The following CFAP70 variants were observed in gnomAD, a reference collection of about 807,000 sequenced individuals.
CFAP70 encodes the protein cilia and flagella associated protein 70, also known as cilia- and flagella-associated protein 70.
CFAP70 carries 81 observed loss-of-function variants against 137.6 expected under a neutral mutation model. That is an observed-to-expected ratio of 0.59 (90% CI 0.49 to 0.71). CFAP70 has a LOEUF of 0.71. CFAP70 is among the 30% of genes least tolerant of loss of function. CFAP70 has a pLI of 0.00. For missense variants in CFAP70, 976 were observed against 1,226.7 expected (o/e 0.80, Z 3.05); for synonymous variants, 382 against 423.6 (o/e 0.90, Z 1.20).
In CFAP70 at chr10:73,323,012, C is replaced by T. The variant is rs200222729; in HGVS notation, c.863G>A (p.Arg288Gln). ...GTAAGGGTAAACATGAAAAGCTCCC[C>T]GAATTCTCTTCACACCTGGATACAA... is the stretch of plus-strand genomic sequence containing the variant. Residue 288 changes from arginine (R) to glutamine (Q), a missense_variant, in exon 9 of 27, where the codon CGG becomes CAG. Physicochemically the swap from Arg to Gln is conservative, Grantham distance 43. Transcript: ENST00000310715. 8.1e-6 allele frequency: 13 copies of T among 1,613,716 alleles called. No individual in the cohort carries two copies. The highest frequency in any genetic ancestry group is 2.2e-5 in the East Asian group (1 of 44,850).
intron 7 of CFAP70, among the ~76,000 whole-genome samples, chr10:73,331,589 G>A (rs1027518468): frequency 6.6e-6 from 1 of 152,150 alleles, no homozygotes; most frequent in African/African-American, 2.4e-5. Context: ...GGCTGAGGTG[G>A]GAGGATGGCT....
chr10:73,256,460 A>G (rs2044505668), intron 25 of CFAP70, 44 bp from the exon 27 acceptor site: 1 of 1,611,862 alleles, frequency 6.2e-7, no homozygotes, highest in African/African-American at 1.3e-5. Context: ...GGTCATAAAC[A>G]TTATGGTAAG....
At chr10:73,290,801 T>A (rs1271053974) in intron 19 of CFAP70, among the ~76,000 whole-genome samples, 1 of 152,150 alleles carries the variant, frequency 6.6e-6, no homozygotes, top group East Asian at 1.9e-4. Context: ...GTGCCCCTTT[T>A]AAAGACAGTA....
In CFAP70 at chr10:73,348,011, C is replaced by G. The variant is rs565558196; in HGVS notation, c.349+412G>C. 9.5e-4 allele frequency: 665 copies of G among 702,008 alleles called. 1 individual carries two copies. The highest frequency in any genetic ancestry group is 2.0e-3 in the South Asian group (111 of 54,768). 43.5% of individuals were successfully genotyped at this position (702,008 alleles called of 1,614,324 possible). ...TCAAAGTAGGACTCTGCCTTATTAT[C>G]TTTGTTTCCCAGAATCTAACACTAA... On this transcript the variant is annotated intron_variant, in intron 4 of 26. Transcript: ENST00000310715.
At chr10:73,288,338 C>CA (rs898795552) in intron 19 of CFAP70, among the ~76,000 whole-genome samples, 6 of 151,842 alleles carry the variant, frequency 4.0e-5, no homozygotes, top group African/African-American at 9.7e-5. Flanking sequence ...TATAAAAGAA[C>CA]AAAAAAATAC....
chr10:73,282,099 GAGGCTGGGGA>G lies in CFAP70; in HGVS notation c.2240-3772_2240-3763del, dbSNP rs139143992. Among the ~76,000 whole-genome samples the G allele has an allele frequency of 4.1e-3, 494 of 121,302 alleles. 1 individual carries two copies. Among genetic ancestry groups the G allele is most frequent in the African/African-American group, 0.015 (414 of 27,950 alleles). 79.6% of individuals were successfully genotyped at this position (121,302 alleles called of 152,430 possible). On this transcript the variant is annotated intron_variant, in intron 19 of 26. Transcript: ENST00000310715. ...GCTCATGGATCAACTCATCCATATT[GAGGCTGGGGA>G]AGGCTGGGGAAGGCTGGGGAAGGCT...
At chr10:73,348,610 T>A in intron 3 of CFAP70, 89 bp from the exon 4 acceptor site, 2 of 864,572 alleles carry the variant, frequency 2.3e-6, no homozygotes, top group Non-Finnish European at 3.4e-6. Flanking sequence ...GTCAAAGATA[T>A]GTAAGTTAAA....
intron 19 of CFAP70, among the ~76,000 whole-genome samples, chr10:73,285,777 G>A (rs2047652648): frequency 6.6e-6 from 1 of 151,714 alleles, no homozygotes; most frequent in Non-Finnish European, 1.5e-5. Context: ...TGGGATTACA[G>A]GCGCCCACCA....
chr10:73,354,567 C>T (rs1350902604), intron 2 of CFAP70, among the ~76,000 whole-genome samples, 167 bp downstream of exon 2: 1 of 152,116 alleles, frequency 6.6e-6, no homozygotes, highest in Non-Finnish European at 1.5e-5. Flanking sequence ...TTGAGACACA[C>T]AGTAATGTGA....
Position 73,293,252 on chromosome 10 carries a change from T to C in CFAP70, c.1770+11A>G, listed in dbSNP as rs374091721. The C allele has an allele frequency of 1.3e-6, 2 of 1,595,006 alleles. No individual in the cohort carries two copies. Among genetic ancestry groups the C allele is most frequent in the Non-Finnish European group, 1.7e-6 (2 of 1,173,352 alleles). On this transcript the variant is annotated intron_variant, in intron 16 of 26. Transcript: ENST00000310715. ...ATAATAGTAACAATCACTGGGAAGATGTTTAATTACCTCTTTATAATATGC... is the reference window on the plus strand; with the variant it reads ...ATAATAGTAACAATCACTGGGAAGACGTTTAATTACCTCTTTATAATATGC...
intron 12 of CFAP70, among the ~76,000 whole-genome samples, chr10:73,301,349 C>T (rs1395413038): frequency 1.3e-5 from 2 of 152,152 alleles, no homozygotes; most frequent in Non-Finnish European, 2.9e-5. Context: ...AAGATCTGGT[C>T]ATTTAAAAAT....
At chr10:73,354,786 A>G in exon 2 of CFAP70, 2 of 1,614,022 alleles carry the variant, frequency 1.2e-6, no homozygotes, top group Non-Finnish European at 1.7e-6. Flanking sequence ...TGCTGATGGC[A>G]CTTGCTCCAT....
chr10:73,262,375 G>A (rs112198395), intron 25 of CFAP70, among the ~76,000 whole-genome samples: 6,894 of 152,058 alleles, frequency 0.045, 473 homozygotes, highest in African/African-American at 0.15. Context: ...CAGATCAGCT[G>A]TCATGGTCTC....
Position 73,322,884 on chromosome 10 carries a change from A to T in CFAP70, c.912+79T>A, listed in dbSNP as rs75902493. 1.3e-3 allele frequency: 1,597 copies of T among 1,270,358 alleles called. 39 individuals carry two copies. The East Asian group carries it at 0.036, about 28-fold the overall frequency. The allele number at this position is 1,270,358 out of a possible 1,614,324, so 78.7% of individuals were successfully genotyped here. A position where few individuals can be genotyped will look rare whatever the true frequency, so the allele number is the denominator to read the frequency against. On this transcript the variant is annotated intron_variant, in intron 9 of 26. Coordinates refer to ENST00000310715, the Ensembl canonical transcript of CFAP70. ...CTGGTTCTAAATATCAGTTGCAAAGATGTATATGCTAAAGATGTAAGTAAA... is the reference window on the plus strand; with the variant it reads ...CTGGTTCTAAATATCAGTTGCAAAGTTGTATATGCTAAAGATGTAAGTAAA...
chr10:73,310,557 C>T (rs1436009240), intron 11 of CFAP70, among the ~76,000 whole-genome samples: 1 of 152,134 alleles, frequency 6.6e-6, no homozygotes, highest in Admixed American at 6.5e-5. Context: ...TAAGTGAATG[C>T]CTTTCTTTCT....
Position 73,275,726 on chromosome 10 carries a change from T to G in CFAP70, c.2521-128A>C. The G allele has an allele frequency of 1.2e-6, 1 of 848,644 alleles. No homozygotes were observed. The highest frequency in any genetic ancestry group is 3.1e-5 in the East Asian group (1 of 32,608). The allele number at this position is 848,644 out of a possible 1,614,324, so 52.6% of individuals were successfully genotyped here. ...CAGAATGAAATAATTATCCTCAACT[T>G]CAAAAGGTAAAGGGTGAATTACAAA... On this transcript the variant is annotated intron_variant, in intron 21 of 26. Coordinates refer to ENST00000310715, the Ensembl canonical transcript of CFAP70. This position sits in a 1 kb window ranked among gnomAD's most constrained non-coding sequence, Gnocchi z 4.0.
intron 6 of CFAP70, among the ~76,000 whole-genome samples, chr10:73,338,291 AG>A (rs2052892672): frequency 6.6e-6 from 1 of 151,334 alleles, no homozygotes; most frequent in African/African-American, 2.4e-5. Flanking sequence ...GCTGGGATTC[AG>A]GCGCACACCA....
intron 8 of CFAP70, among the ~76,000 whole-genome samples, chr10:73,328,496 A>C (rs1351194643): frequency 1.3e-5 from 2 of 149,766 alleles, no homozygotes; most frequent in African/African-American, 2.5e-5. Flanking sequence ...AATGGGATCT[A>C]ATTAAACTCA....
chr10:73,262,415 T>C (rs1162107982), intron 25 of CFAP70, among the ~76,000 whole-genome samples: 1 of 152,082 alleles, frequency 6.6e-6, no homozygotes, highest in Non-Finnish European at 1.5e-5. Context: ...CACCCTTATT[T>C]TACTTAATAA....
Sources: allele counts gnomAD v4.1 joint callset (sites outside exome capture counted in the v4.1 genomes callset), GRCh38; gene constraint gnomAD v4.1.1; non-coding constraint Gnocchi (gnomAD v3.1); transcripts MANE v1.5; gene names NCBI Gene and HGNC (gene_info 2026-07-23, HGNC 2026-07-21).